TENM4: variants seen among roughly 807,000 people sequenced by gnomAD.
The protein encoded by TENM4 is teneurin-4.
A neutral mutation model predicts 243.3 loss-of-function variants in TENM4; 82 were observed. The ratio of observed to expected loss-of-function variants is 0.34; its 90% CI spans 0.28 to 0.40. The LOEUF (loss-of-function observed/expected upper bound fraction) is 0.40. Among genes scored for constraint, TENM4 ranks in the 10% least tolerant of loss-of-function variants. TENM4 has a pLI of 1.00. For missense variants in TENM4, 3,138 were observed against 3,673.3 expected (o/e 0.85, Z 3.77); for synonymous variants, 1,412 against 1,456.3 (o/e 0.97, Z 0.69).
intron 2 of TENM4, among the ~76,000 whole-genome samples, 186 bp downstream of exon 2, chr11:79,297,302 C>A (rs1031297183): frequency 6.6e-6 from 1 of 152,156 alleles, no homozygotes; most frequent in Non-Finnish European, 1.5e-5. Context: ...CAAACAGAAG[C>A]CACAAGTGCA....
chr11:78,972,832 A>C (rs1355612341), intron 6 of TENM4, among the ~76,000 whole-genome samples: 1 of 152,118 alleles, frequency 6.6e-6, no homozygotes, highest in African/African-American at 2.4e-5. Flanking sequence ...GTCACTCCCT[A>C]TTGTCCTCCA....
At chr11:78,789,079 T>A (rs1591025218) in intron 15 of TENM4, among the ~76,000 whole-genome samples, 1 of 152,200 alleles carries the variant, frequency 6.6e-6, no homozygotes, top group South Asian at 2.1e-4. Context: ...CCGAGGCTGG[T>A]CTAATTCCTT....
At chr11:79,314,662 A>T (rs1856776170) in intron 1 of TENM4, among the ~76,000 whole-genome samples, 1 of 152,228 alleles carries the variant, frequency 6.6e-6, no homozygotes, top group African/African-American at 2.4e-5. Context: ...TAGATGCTTT[A>T]TGGGAGTCTA....
chr11:78,723,557 G>A (rs190140626), intron 23 of TENM4, among the ~76,000 whole-genome samples: 1 of 152,354 alleles, frequency 6.6e-6, no homozygotes, highest in African/African-American at 2.4e-5. Flanking sequence ...CCCAGCTCCT[G>A]TATAGATCTC....
chr11:79,131,122 G>A (rs1861995104), intron 4 of TENM4, among the ~76,000 whole-genome samples: 1 of 152,114 alleles, frequency 6.6e-6, no homozygotes, highest in Non-Finnish European at 1.5e-5. Flanking sequence ...GAATAATTGA[G>A]GAAAACTTCC....
Position 78,891,349 on chromosome 11 carries a change from G to A in TENM4, c.750-13C>T, listed in dbSNP as rs1295096377. The A allele has an allele frequency of 6.5e-7, 1 of 1,549,504 alleles. No individual in the cohort carries two copies. Among genetic ancestry groups the A allele is most frequent in the African/African-American group, 1.4e-5 (1 of 73,022 alleles). On this transcript the variant is annotated splice_polypyrimidine_tract_variant and intron_variant, in intron 7 of 33. Transcript: ENST00000278550. ...CTTGCCTAGGTTTCTACGCACACATGGAGACATGAATGAAGCAATGAGTCA... is the reference window on the plus strand; with the variant it reads ...CTTGCCTAGGTTTCTACGCACACATAGAGACATGAATGAAGCAATGAGTCA...
intron 1 of TENM4, among the ~76,000 whole-genome samples, chr11:79,364,852 C>T (rs765503910): frequency 1.3e-5 from 2 of 152,184 alleles, no homozygotes; most frequent in Non-Finnish European, 2.9e-5. Flanking sequence ...TAATTTACCA[C>T]TTTGTAAATC....
chr11:78,776,913 T>C (rs1049549916), intron 17 of TENM4, among the ~76,000 whole-genome samples: 2 of 152,120 alleles, frequency 1.3e-5, no homozygotes, highest in African/African-American at 4.8e-5. Flanking sequence ...GATAGAATGC[T>C]GAAACATGGA....
intron 19 of TENM4, among the ~76,000 whole-genome samples, chr11:78,742,474 G>C (rs113138173): frequency 6.6e-6 from 1 of 152,176 alleles, no homozygotes; most frequent in African/African-American, 2.4e-5. Flanking sequence ...TATGAATTAC[G>C]ATCTCCACTT....
rs1394802815 is a variant in TENM4 at position 79,070,051 on chromosome 11, A to G, written c.-65-42T>C. The G allele has an allele frequency of 2.0e-6, 3 of 1,465,372 alleles. No homozygotes were observed. The Admixed American group carries it at 7.0e-5, about 34-fold the overall frequency. 90.8% of individuals were successfully genotyped at this position (1,465,372 alleles called of 1,614,324 possible). A position where few individuals can be genotyped will look rare whatever the true frequency, so the allele number is the denominator to read the frequency against. ...CAAAGATAGGGCGTGAGAGGCAGAG[A>G]ACATTCCCGGGTTCATCCTGGTCCT... On this transcript the variant is annotated intron_variant, in intron 4 of 33. Transcript: ENST00000278550.
At chr11:78,844,273 G>T (rs1428886962) in intron 12 of TENM4, among the ~76,000 whole-genome samples, 1 of 152,182 alleles carries the variant, frequency 6.6e-6, no homozygotes, top group Non-Finnish European at 1.5e-5. Flanking sequence ...TGGAGATAGG[G>T]CCTATATGGA....
intron 12 of TENM4, among the ~76,000 whole-genome samples, chr11:78,831,925 A>G (rs992794860): frequency 3.9e-5 from 6 of 152,128 alleles, no homozygotes; most frequent in Non-Finnish European, 1.5e-5. Context: ...CAGTCAATAT[A>G]CCCTTGCTTT....
Position 78,657,878 on chromosome 11 carries a change from C to T in TENM4, c.*180G>A, listed in dbSNP as rs1011202760. The T allele has an allele frequency of 2.1e-4, 201 of 966,690 alleles. 1 individual carries two copies. Among genetic ancestry groups the T allele is most frequent in the Middle Eastern group, 6.7e-4 (3 of 4,474 alleles). The allele number at this position is 966,690 out of a possible 1,614,324, so 59.9% of individuals were successfully genotyped here. A position where few individuals can be genotyped will look rare whatever the true frequency, so the allele number is the denominator to read the frequency against. On this transcript the variant is annotated 3_prime_UTR_variant, in exon 34 of 34. Transcript: ENST00000278550. Reference sequence around the variant, plus strand: ...CCTTCTGTTCTTTGCAAAAAATGTGCGAAGGCCAAATCTGTGTTTTTCTTT... The same window carrying T: ...CCTTCTGTTCTTTGCAAAAAATGTGTGAAGGCCAAATCTGTGTTTTTCTTT...
intron 6 of TENM4, among the ~76,000 whole-genome samples, chr11:79,028,585 ACT>A (rs1859146267): frequency 6.6e-6 from 1 of 152,184 alleles, no homozygotes; most frequent in African/African-American, 2.4e-5. Context: ...CACATGGAGG[ACT>A]CACTGGTGAC....
intron 1 of TENM4, among the ~76,000 whole-genome samples, chr11:79,406,016 G>T (rs1422340257): frequency 6.6e-6 from 1 of 152,156 alleles, no homozygotes; most frequent in Non-Finnish European, 1.5e-5. Context: ...GTGATCTCCA[G>T]GTTGGAGTGG....
chr11:78,819,112 A>C (rs762595573), intron 12 of TENM4, among the ~76,000 whole-genome samples: 1 of 152,172 alleles, frequency 6.6e-6, no homozygotes, highest in Non-Finnish European at 1.5e-5. Context: ...TGTTGCTTGA[A>C]ATACAAAGGG....
chr11:79,318,883 T>C (rs560464477), intron 1 of TENM4, among the ~76,000 whole-genome samples: 1 of 152,260 alleles, frequency 6.6e-6, no homozygotes, highest in African/African-American at 2.4e-5. Context: ...CTCTCCATGT[T>C]TGGGAGAGGA....
At chr11:78,846,879 C>G (rs540211) in intron 12 of TENM4, among the ~76,000 whole-genome samples, 49,497 of 152,054 alleles carry the variant, frequency 0.33, 8,727 homozygotes, top group Middle Eastern at 0.4. Context: ...TCCCTTCTCT[C>G]TGAGAGAACC....
At chr11:79,302,280 CT>C (rs1269733982) in intron 1 of TENM4, among the ~76,000 whole-genome samples, 1 of 152,184 alleles carries the variant, frequency 6.6e-6, no homozygotes, top group Non-Finnish European at 1.5e-5. Flanking sequence ...TAATTTAAGC[CT>C]ATTCAAGAAG....
Sources: allele counts gnomAD v4.1 joint callset (sites outside exome capture counted in the v4.1 genomes callset), GRCh38; gene constraint gnomAD v4.1.1; transcripts MANE v1.5; gene names NCBI Gene and HGNC (gene_info 2026-07-23, HGNC 2026-07-21).